RASSF3: variants seen among roughly 807,000 people sequenced by gnomAD.
RASSF3 encodes Ras association domain family member 3, also known as ras association domain-containing protein 3.
RASSF3 carries 19 observed loss-of-function variants against 19.9 expected under a neutral mutation model. That is an observed-to-expected ratio of 0.96 (90% CI 0.67 to 1.40). The LOEUF is 1.40. Ranked by LOEUF, RASSF3 falls within the 40% of genes most tolerant of loss-of-function variation. RASSF3 has a pLI of 0.00. For synonymous variants in RASSF3, 110 were observed against 104.2 expected (o/e 1.06, Z -0.34); for missense variants, 306 against 289.8 (o/e 1.06, Z -0.41).
At chr12:64,517,683 A>G (rs1179434061) in intron 1 of RASSF3, among the ~76,000 whole-genome samples, 2 of 151,530 alleles carry the variant, frequency 1.3e-5, no homozygotes, top group Non-Finnish European at 1.5e-5. Flanking sequence ...CAGTAGCACA[A>G]TCATGGCCCA....
intron 3 of RASSF3, among the ~76,000 whole-genome samples, chr12:64,689,169 A>T (rs985909007): frequency 6.6e-5 from 10 of 152,052 alleles, no homozygotes; most frequent in African/African-American, 2.4e-4. Flanking sequence ...AATTGATAAC[A>T]TTGGTGGACA....
intron 2 of RASSF3, among the ~76,000 whole-genome samples, chr12:64,593,957 A>T (rs1273401046): frequency 7.0e-6 from 1 of 142,136 alleles, no homozygotes; most frequent in African/African-American, 2.6e-5. Flanking sequence ...AGTTGCAGTG[A>T]GCCTAGATCA....
chr12:64,663,243 CCTT>C (rs1872431508), intron 1 of RASSF3, among the ~76,000 whole-genome samples: 1 of 152,078 alleles, frequency 6.6e-6, no homozygotes, highest in African/African-American at 2.4e-5. Flanking sequence ...GTAACAAAGG[CCTT>C]CTTGTGTTAC....
intron 1 of RASSF3, among the ~76,000 whole-genome samples, chr12:64,524,876 A>G (rs1868553078): frequency 6.6e-6 from 1 of 152,242 alleles, no homozygotes; most frequent in Admixed American, 6.5e-5. Context: ...TGAAGAGTTC[A>G]TGTTCCAGCT....
intron 1 of RASSF3, among the ~76,000 whole-genome samples, chr12:64,647,476 TC>T (rs1364928844): frequency 4.6e-5 from 7 of 151,060 alleles, no homozygotes; most frequent in Non-Finnish European, 8.8e-5. Flanking sequence ...AATGGCATGA[TC>T]TTGGCTCACT....
chr12:64,672,149 A>G (rs1872722138), intron 1 of RASSF3, among the ~76,000 whole-genome samples: 1 of 152,184 alleles, frequency 6.6e-6, no homozygotes, highest in South Asian at 2.1e-4. Flanking sequence ...ATATCAGAGT[A>G]ATATCACCCC....
chr12:64,612,479 CTTT>C (rs369436937), intron 1 of RASSF3, among the ~76,000 whole-genome samples: 2 of 119,392 alleles, frequency 1.7e-5, no homozygotes. Flanking sequence ...TTTAGCGTTT[CTTT>C]TTTTTTTTTT....
intron 3 of RASSF3, among the ~76,000 whole-genome samples, chr12:64,689,220 G>GGTGGGTGTGTGT: frequency 6.8e-6 from 1 of 147,444 alleles, no homozygotes; most frequent in East Asian, 2.0e-4. Context: ...TTGAAATCGG[G>GGTGGGTGTGTGT]GTGTGTGTGT....
chr12:64,676,467 C>CTT (rs34917109), intron 1 of RASSF3, among the ~76,000 whole-genome samples: 71 of 69,646 alleles, frequency 1.0e-3, no homozygotes, highest in East Asian at 1.2e-3. Context: ...CTGTGCCCAG[C>CTT]TTTTTTTTTT....
chr12:64,630,981 A>G (rs1000925466), intron 1 of RASSF3, among the ~76,000 whole-genome samples: 4 of 152,232 alleles, frequency 2.6e-5, no homozygotes, highest in African/African-American at 9.6e-5. Context: ...TCTGTGGGCT[A>G]TCAAAGTTTC....
At chr12:64,512,272 T>C (rs1008617234) in intron 1 of RASSF3, among the ~76,000 whole-genome samples, 1 of 152,198 alleles carries the variant, frequency 6.6e-6, no homozygotes, top group African/African-American at 2.4e-5. Flanking sequence ...AATAGGCTGA[T>C]GGACAAGATG....
intron 2 of RASSF3, among the ~76,000 whole-genome samples, chr12:64,591,320 C>T (rs959059022): frequency 6.6e-6 from 1 of 152,064 alleles, no homozygotes; most frequent in Non-Finnish European, 1.5e-5. Context: ...ACTAAAAATA[C>T]AAAAAATTAG....
chr12:64,538,807 G>A (rs1270951718), intron 1 of RASSF3, among the ~76,000 whole-genome samples: 5 of 152,122 alleles, frequency 3.3e-5, no homozygotes, highest in Admixed American at 3.3e-4. Context: ...ACTTTGGGAG[G>A]CTGAGACGGG....
intron 1 of RASSF3, among the ~76,000 whole-genome samples, chr12:64,646,638 GTTC>G (rs1442649958): frequency 2.0e-5 from 3 of 152,136 alleles, no homozygotes; most frequent in Non-Finnish European, 2.9e-5. Context: ...TTATGCTTAT[GTTC>G]TTCTTCTCCC....
At chr12:64,522,323 C>A (rs1042202451) in intron 1 of RASSF3, among the ~76,000 whole-genome samples, 2 of 152,080 alleles carry the variant, frequency 1.3e-5, no homozygotes, top group Non-Finnish European at 2.9e-5. Flanking sequence ...GCTGTCAAAT[C>A]TATTATTTTC....
Position 64,668,256 on chromosome 12 carries a change from T to TTTC in RASSF3, c.112-16516_112-16514dup, listed in dbSNP as rs139462401. ...TCCTCTATCAAACCTTACCAATCCTTTTCTTCTTCTTCTTCTTTTTTTTTT... is the reference window on the plus strand; with the variant it reads ...TCCTCTATCAAACCTTACCAATCCTTTTCTTCTTCTTCTTCTTCTTTTTTTTTT... On this transcript the variant is annotated intron_variant, in intron 1 of 4. Transcript: ENST00000542104. 1.3e-3 allele frequency among the ~76,000 whole-genome samples: 196 copies of TTTC among 148,906 alleles called. 2 individuals carry two copies. In the East Asian group the frequency reaches 0.016, roughly 12 times the overall value.
At chr12:64,523,066 GC>G (rs1868511785) in intron 1 of RASSF3, among the ~76,000 whole-genome samples, 1 of 152,150 alleles carries the variant, frequency 6.6e-6, no homozygotes, top group African/African-American at 2.4e-5. Flanking sequence ...TAAAACTGCT[GC>G]CCTGTTCTTT....
chr12:64,575,059 C>G (rs1221344311), intron 2 of RASSF3, among the ~76,000 whole-genome samples: 1 of 151,862 alleles, frequency 6.6e-6, no homozygotes, highest in African/African-American at 2.4e-5. Context: ...TTAGCCAATG[C>G]AATAAGGCAA....
intron 4 of RASSF3, among the ~76,000 whole-genome samples, chr12:64,694,147 T>G (rs1004563844): frequency 3.9e-5 from 6 of 152,094 alleles, no homozygotes; most frequent in African/African-American, 1.4e-4. Context: ...CATCAGCAAC[T>G]AAGGGAAGCC....
Sources: allele counts gnomAD v4.1 joint callset (sites outside exome capture counted in the v4.1 genomes callset), GRCh38; gene constraint gnomAD v4.1.1; transcripts MANE v1.5; gene names NCBI Gene and HGNC (gene_info 2026-07-23, HGNC 2026-07-21).